SH3KBP1: variants seen among roughly 807,000 people sequenced by gnomAD.
SH3KBP1 encodes SH3 domain-containing kinase-binding protein 1.
SH3KBP1 carries 8 observed loss-of-function variants against 50.1 expected under a neutral mutation model. The ratio of observed to expected loss-of-function variants is 0.16; its 90% CI spans 0.09 to 0.29. SH3KBP1 has a LOEUF of 0.29. Among genes scored for constraint, SH3KBP1 ranks in the 10% least tolerant of loss-of-function variants. SH3KBP1 has a pLI of 1.00. For missense variants in SH3KBP1, 377 were observed against 535.2 expected, an observed-to-expected ratio of 0.70 and a Z score of 2.92; for synonymous variants, 227 against 218.6, an observed-to-expected ratio of 1.04 and a Z score of -0.34.
At chrX:19,722,179 G>A (rs993091570) in intron 3 of SH3KBP1, among the ~76,000 whole-genome samples, 2 of 111,863 alleles carry the variant, frequency 1.8e-5, no homozygotes, top group African/African-American at 6.5e-5. Context: ...AACCACAAAT[G>A]GCCACGTGGC....
rs369670367 is a variant in SH3KBP1, at chrX:19,683,984, T to C, written c.565A>G (p.Ser189Gly). Residue 189 changes from serine (S) to glycine (G), a missense_variant, in exon 6 of 18, where the codon AGC becomes GGC. Ser to Gly is a moderately conservative substitution (Grantham distance 56, BLOSUM62 0). Transcript: ENST00000397821. ...TGSESDGGDS[S>G]STKSEGANGT... ...TTGGCACCTTCAGACTTGGTGCTGC[T>C]TGAGTCACCCCCATCACTCTCGGAG... 1.7e-6 allele frequency: 2 copies of C among 1,209,286 alleles called. No individual in the cohort carries two copies. Among genetic ancestry groups the C allele is most frequent in the Non-Finnish European group, 1.1e-6 (1 of 894,911 alleles).
At chrX:19,604,478 T>C (rs185442678) in intron 9 of SH3KBP1, among the ~76,000 whole-genome samples, 7 of 112,054 alleles carry the variant, frequency 6.2e-5, no homozygotes, top group Non-Finnish European at 1.3e-4. Flanking sequence ...TCAAGAGGCC[T>C]GCTGTTGAAT....
intron 14 of SH3KBP1, among the ~76,000 whole-genome samples, chrX:19,547,834 G>C (rs1474362812): frequency 8.9e-6 from 1 of 112,258 alleles, no homozygotes; most frequent in East Asian, 2.8e-4. Flanking sequence ...TATCCACTAA[G>C]CCTCCACTTG....
At chrX:19,545,100 T>C (rs1303775138) in intron 15 of SH3KBP1, among the ~76,000 whole-genome samples, 2 of 112,585 alleles carry the variant, frequency 1.8e-5, no homozygotes, top group Non-Finnish European at 3.7e-5. Flanking sequence ...ACATGTAAAT[T>C]CTTAAATCTA....
At chrX:19,657,653 G>A (rs899899162) in intron 6 of SH3KBP1, among the ~76,000 whole-genome samples, 42 of 106,813 alleles carry the variant, frequency 3.9e-4, no homozygotes, top group Non-Finnish European at 5.4e-4. Flanking sequence ...GCTTGAACCC[G>A]GGAGGCGGAG....
chrX:19,654,308 G>A (rs1402988552), intron 6 of SH3KBP1, among the ~76,000 whole-genome samples: 1 of 111,622 alleles, frequency 9.0e-6, no homozygotes. Context: ...CTGTCTCTTC[G>A]TTGAAGCAAA....
At chrX:19,644,776 CTTT>C (rs1438586894) in intron 7 of SH3KBP1, among the ~76,000 whole-genome samples, 1 of 110,095 alleles carries the variant, frequency 9.1e-6, no homozygotes, top group African/African-American at 3.3e-5. Context: ...ATTGTTTTTC[CTTT>C]TTTTTTAAAC....
intron 6 of SH3KBP1, among the ~76,000 whole-genome samples, chrX:19,666,755 G>A (rs1433633777): frequency 9.0e-6 from 1 of 111,513 alleles, no homozygotes; most frequent in Non-Finnish European, 1.9e-5. Flanking sequence ...TCCACCGAGT[G>A]AAACAATGCA....
At chrX:19,543,537 C>G (rs1251837194) in intron 15 of SH3KBP1, among the ~76,000 whole-genome samples, 9 of 111,311 alleles carry the variant, frequency 8.1e-5, no homozygotes, top group Non-Finnish European at 1.1e-4. Context: ...GGCAGATGAC[C>G]ACCTGGATGG....
At chrX:19,557,367 C>T (rs1176603889) in intron 13 of SH3KBP1, among the ~76,000 whole-genome samples, 1 of 112,263 alleles carries the variant, frequency 8.9e-6, no homozygotes, top group Admixed American at 9.5e-5. Context: ...TACATCAAAA[C>T]GTGTAGCTCA....
chrX:19,596,220 G>A (rs771395997), intron 9 of SH3KBP1, among the ~76,000 whole-genome samples: 5 of 111,874 alleles, frequency 4.5e-5, no homozygotes, highest in Non-Finnish European at 7.5e-5. Flanking sequence ...ACGCAAACTC[G>A]GTTTTAGACC....
chrX:19,543,942 G>A (rs2065013389), intron 15 of SH3KBP1, among the ~76,000 whole-genome samples: 2 of 111,221 alleles, frequency 1.8e-5, no homozygotes, highest in African/African-American at 6.5e-5. Context: ...ATGTTGGGAG[G>A]CGGGGGCGAT....
At chrX:19,540,186 A>G (rs2064841882) in intron 16 of SH3KBP1, among the ~76,000 whole-genome samples, 1 of 110,660 alleles carries the variant, frequency 9.0e-6, no homozygotes, top group Non-Finnish European at 1.9e-5. Context: ...GCCAGATAGG[A>G]GCTGGGGACT....
chrX:19,691,350 C>CTATATA (rs1208012762), intron 5 of SH3KBP1, among the ~76,000 whole-genome samples: 2 of 93,615 alleles, frequency 2.1e-5, no homozygotes, highest in African/African-American at 8.6e-5. Flanking sequence ...CTCTCTCTCT[C>CTATATA]TCTCTCTATA....
intron 3 of SH3KBP1, among the ~76,000 whole-genome samples, chrX:19,741,080 T>G (rs1420060353): frequency 2.7e-5 from 3 of 112,843 alleles, no homozygotes; most frequent in Non-Finnish European, 5.6e-5. Flanking sequence ...GAAGAACTTC[T>G]GCACTAACTT....
At chrX:19,547,085 G>C (rs1041952141) in intron 14 of SH3KBP1, among the ~76,000 whole-genome samples, 1 of 109,550 alleles carries the variant, frequency 9.1e-6, no homozygotes, top group Non-Finnish European at 1.9e-5. Context: ...CCCGGAGGTC[G>C]AGGGTGCAGT....
chrX:19,880,424 T>A (rs1199981524), intron 1 of SH3KBP1, among the ~76,000 whole-genome samples: 1 of 113,031 alleles, frequency 8.8e-6, no homozygotes, highest in Non-Finnish European at 1.9e-5. Context: ...GCAGATCCAG[T>A]TGGAGATGGA....
chrX:19,678,039 G>T (rs2062968042), intron 6 of SH3KBP1, among the ~76,000 whole-genome samples: 1 of 111,580 alleles, frequency 9.0e-6, no homozygotes, highest in South Asian at 3.8e-4. Context: ...TCTCACATTG[G>T]CCTGAGTTAG....
At chrX:19,824,378 G>A (rs963578798) in intron 2 of SH3KBP1, among the ~76,000 whole-genome samples, 6 of 111,534 alleles carry the variant, frequency 5.4e-5, no homozygotes, top group African/African-American at 9.8e-5. Flanking sequence ...CTGCCCTATC[G>A]GTACCATTGT....
Sources: gnomAD v4.1 joint callset for allele counts (sites outside exome capture counted in the v4.1 genomes callset) on GRCh38, gnomAD v4.1.1 for gene constraint, MANE v1.5 for transcripts, NCBI Gene and HGNC (gene_info 2026-07-23, HGNC 2026-07-21) for gene names.